URGCP: variants seen among roughly 807,000 people sequenced by gnomAD.
URGCP encodes the protein upregulator of cell proliferation, also known as up-regulator of cell proliferation.
In URGCP, 13 loss-of-function variants were observed where a neutral mutation model predicts 24.6. The ratio of observed to expected loss-of-function variants is 0.53; its 90% CI spans 0.34 to 0.84. The LOEUF (loss-of-function observed/expected upper bound fraction) is 0.84. Ranked by LOEUF, URGCP falls within the 40% of genes least tolerant of loss-of-function variation. The pLI, the probability that URGCP is intolerant of heterozygous loss-of-function variation, is 0.01. For missense variants in URGCP, 899 were observed against 1,194.3 expected (o/e 0.75, Z 3.64); for synonymous variants, 444 against 487.2 (o/e 0.91, Z 1.17).
intron 1 of URGCP, among the ~76,000 whole-genome samples, chr7:43,913,443 C>T (rs959234626): frequency 1.3e-5 from 2 of 151,938 alleles, no homozygotes; most frequent in African/African-American, 4.8e-5. Flanking sequence ...TGGTCTTCAT[C>T]TCCTGACCTT....
At chr7:43,880,946 A>T (rs2095852855) in intron 5 of URGCP, among the ~76,000 whole-genome samples, 1 of 152,204 alleles carries the variant, frequency 6.6e-6, no homozygotes, top group South Asian at 2.1e-4. Flanking sequence ...AGCAGGACTC[A>T]CAGTGCTGGA....
rs1211900665 is a variant in URGCP, at chr7:43,925,479, T to C, written c.-116+653A>G. On this transcript the variant is annotated intron_variant, in intron 1 of 5. Coordinates refer to the URGCP transcript ENST00000426198. ...CTTTACTATGTGAAATGCACTGATA[T>C]TTTATTCTGTTTTTTTATTTTTATT... Among the ~76,000 whole-genome samples, 5 of 152,092 alleles carry C rather than the reference T, an allele frequency of 3.3e-5. No homozygotes were observed. In the East Asian group the frequency reaches 9.7e-4, roughly 29 times the overall value.
In URGCP at chr7:43,887,788, A is replaced by C. The variant is rs1011284972; in HGVS notation, c.41+2T>G. 3 of 1,549,592 alleles carry C rather than the reference A, an allele frequency of 1.9e-6. No individual in the cohort carries two copies. Among genetic ancestry groups the C allele is most frequent in the Non-Finnish European group, 2.6e-6 (3 of 1,146,100 alleles). On this transcript the variant is annotated splice_donor_variant, in intron 2 of 5. Transcript: ENST00000453200. LOFTEE classifies it high-confidence loss of function. The stretch of plus-strand genomic sequence containing the variant: ...TTCAGAAAGACAGAAAAATATACAT[A>C]CCCTTTGCCCAGTAATTCCACTTCT...
At chr7:43,879,322 G>T (rs1439677945) in intron 5 of URGCP, 62 bp from the exon 6 acceptor site, 1 of 1,525,434 alleles carries the variant, frequency 6.6e-7, no homozygotes, top group South Asian at 1.3e-5. Flanking sequence ...GGCCAGGGAA[G>T]AGCTGGTGAA....
chr7:43,893,838 T>C (rs1253706615), intron 1 of URGCP, among the ~76,000 whole-genome samples: 8 of 151,814 alleles, frequency 5.3e-5, no homozygotes, highest in African/African-American at 1.9e-4. Context: ...ACCACTGCAC[T>C]CCAGCCTGGG....
intron 5 of URGCP, 27 bp downstream of exon 5, chr7:43,881,632 G>GAGAGAAAAGGC: frequency 6.2e-7 from 1 of 1,614,078 alleles, no homozygotes; most frequent in Non-Finnish European, 8.5e-7. Flanking sequence ...TCATAGAACA[G>GAGAGAAAAGGC]AGAGAAAAGG....
At chr7:43,907,517 A>C (rs1189462987), upstream of URGCP, among the ~76,000 whole-genome samples, 1 of 151,924 alleles carries the variant, frequency 6.6e-6, no homozygotes, top group East Asian at 1.9e-4. Flanking sequence ...TTAAAAGTAA[A>C]ATATCATTAA....
At chr7:43,911,457 A>G (rs2095910034), upstream of URGCP, among the ~76,000 whole-genome samples, 2 of 152,082 alleles carry the variant, frequency 1.3e-5, no homozygotes, top group African/African-American at 4.8e-5. Context: ...GCACTTTGGG[A>G]GGCTGAGGAG....
chr7:43,876,807 G>C lies in URGCP; in HGVS notation c.2656C>G (p.Pro886Ala), dbSNP rs2095845153. The change falls in exon 6 of 6, where the codon CCT becomes GCT. Residue 886 changes from proline to alanine, a missense_variant. Physicochemically the swap from Pro to Ala is conservative, Grantham distance 27. Coordinates refer to ENST00000453200, the MANE Select transcript of URGCP (RefSeq NM_001077663.3). ...WHIPGLWHGAPPMAAVSLAYS... is the reference protein window; with the variant it reads ...WHIPGLWHGAAPMAAVSLAYS... ...GCCAAGCTCACTGCGGCCATGGGAG[G>C]TGCTCCGTGCCACAGGCCTGGGATG... is the stretch of plus-strand genomic sequence containing the variant. 1 of 1,614,096 alleles carries C rather than the reference G, an allele frequency of 6.2e-7. No homozygotes were observed. The highest frequency in any genetic ancestry group is 2.2e-5 in the East Asian group (1 of 44,896).
At chr7:43,881,265 A>G in intron 5 of URGCP, 1 of 702,368 alleles carries the variant, frequency 1.4e-6, no homozygotes, top group Non-Finnish European at 2.6e-6. Flanking sequence ...CTCTGGGCCC[A>G]GTATCCTGAT....
chr7:43,897,584 G>A (rs959060122), intron 1 of URGCP, among the ~76,000 whole-genome samples: 1 of 151,454 alleles, frequency 6.6e-6, no homozygotes, highest in Non-Finnish European at 1.5e-5. Flanking sequence ...AAGAGGAAGA[G>A]AAAAAAAATA....
At chr7:43,926,193 G>C (rs536058280) in exon 1 of URGCP, 31 of 172,132 alleles carry the variant, frequency 1.8e-4, no homozygotes, top group Admixed American at 1.3e-3. Context: ...CCAGGATGTA[G>C]GAACAGGGAG....
intron 1 of URGCP, among the ~76,000 whole-genome samples, chr7:43,892,822 T>G (rs560094084): frequency 6.6e-6 from 1 of 151,864 alleles, no homozygotes; most frequent in South Asian, 2.1e-4. Context: ...AAATTAAAAC[T>G]CCCTGAAGAA....
chr7:43,896,764 G>A (rs937859618), intron 1 of URGCP, among the ~76,000 whole-genome samples: 8 of 152,118 alleles, frequency 5.3e-5, no homozygotes, highest in African/African-American at 1.9e-4. Context: ...TATAAAATGA[G>A]GCTGATCATC....
chr7:43,899,476 T>A (rs1038295906), intron 1 of URGCP, among the ~76,000 whole-genome samples: 3 of 151,866 alleles, frequency 2.0e-5, no homozygotes, highest in African/African-American at 7.2e-5. Context: ...AAATTGAGGT[T>A]CAAAACCAGT....
At chr7:43,921,932 G>A (rs533803255) in intron 1 of URGCP, among the ~76,000 whole-genome samples, 1 of 151,432 alleles carries the variant, frequency 6.6e-6, no homozygotes, top group Non-Finnish European at 1.5e-5. Context: ...TCGCTCTGTC[G>A]CCCAGGTTGG....
intron 1 of URGCP, chr7:43,920,076 A>G: frequency 8.0e-7 from 1 of 1,250,960 alleles, no homozygotes; most frequent in East Asian, 2.3e-5. Flanking sequence ...TAGGACAGGG[A>G]CCCTCATCTG....
rs189119877 is a variant in URGCP at position 43,904,544 on chromosome 7, G to A, written c.14+2018C>T. Among the ~76,000 whole-genome samples the A allele has an allele frequency of 5.3e-5, 8 of 152,256 alleles. No individual in the cohort carries two copies. The East Asian group carries it at 1.5e-3, about 29-fold the overall frequency. The stretch of plus-strand genomic sequence containing the variant: ...GCTGGCTGACTGAGATAGCCCTGAG[G>A]GTCTCAGAAAGCACTGTCTTCCTAG... On this transcript the variant is annotated intron_variant, in intron 1 of 5. Transcript: ENST00000453200.
chr7:43,925,216 C>T (rs1253673900), intron 1 of URGCP, among the ~76,000 whole-genome samples: 2 of 152,044 alleles, frequency 1.3e-5, no homozygotes, highest in South Asian at 2.1e-4. Context: ...GGAATGGGAG[C>T]GTGAAAGCCA....
Sources: allele counts gnomAD v4.1 joint callset (sites outside exome capture counted in the v4.1 genomes callset), GRCh38; gene constraint gnomAD v4.1.1; transcripts MANE v1.5; gene names NCBI Gene and HGNC (gene_info 2026-07-23, HGNC 2026-07-21).